ASTN2: variants seen among roughly 807,000 people sequenced by gnomAD.
The protein encoded by ASTN2 is astrotactin 2.
ASTN2 carries 54 observed loss-of-function variants against 139.8 expected under a neutral mutation model. The ratio of observed to expected loss-of-function variants is 0.39; its 90% CI spans 0.31 to 0.48. The LOEUF (loss-of-function observed/expected upper bound fraction) is 0.48, where lower values mean the gene tolerates loss of function less well. Among genes scored for constraint, ASTN2 ranks in the 20% least tolerant of loss-of-function variants. The pLI, the probability that ASTN2 is intolerant of heterozygous loss-of-function variation, is 0.95. For synonymous variants in ASTN2, 756 were observed against 719.5 expected (o/e 1.05, Z -0.81); for missense variants, 1,565 against 1,725.1 (o/e 0.91, Z 1.64).
intron 3 of ASTN2, among the ~76,000 whole-genome samples, chr9:117,149,956 T>C (rs1830290735): frequency 6.6e-6 from 1 of 152,150 alleles, no homozygotes. Flanking sequence ...ACAAGACAAA[T>C]GAACAAAAAG....
Position 116,699,522 on chromosome 9 carries a change from A to G in ASTN2, c.2806+26249T>C, listed in dbSNP as rs757524831. 16 of 1,614,204 alleles carry G rather than the reference A, an allele frequency of 9.9e-6. No homozygotes were observed. Among genetic ancestry groups the G allele is most frequent in the Middle Eastern group, 1.6e-4 (1 of 6,062 alleles). On this transcript the variant is annotated intron_variant, in intron 16 of 22. Transcript: ENST00000313400. The surrounding 1 kb of genome is among the most constrained non-coding windows in gnomAD (Gnocchi z 4.2). ...TCGTGGTGATCTCATCGTGGCTGACAGTAGTCGCAAGGAAATTCTCCATTT... is the reference window on the plus strand; with the variant it reads ...TCGTGGTGATCTCATCGTGGCTGACGGTAGTCGCAAGGAAATTCTCCATTT...
At chr9:117,333,348 G>A (rs1435970576) in intron 1 of ASTN2, among the ~76,000 whole-genome samples, 1 of 152,064 alleles carries the variant, frequency 6.6e-6, no homozygotes, top group Non-Finnish European at 1.5e-5. Flanking sequence ...GTGTTCTCTT[G>A]CAAAGGAAAA....
At chr9:117,154,860 A>G (rs1365525802) in intron 3 of ASTN2, among the ~76,000 whole-genome samples, 1 of 152,062 alleles carries the variant, frequency 6.6e-6, no homozygotes, top group East Asian at 1.9e-4. Context: ...GGATTTAAAT[A>G]AGAAAACTGT....
At chr9:116,703,111 C>G (rs546538927) in intron 16 of ASTN2, among the ~76,000 whole-genome samples, 3 of 151,444 alleles carry the variant, frequency 2.0e-5, no homozygotes, top group East Asian at 3.9e-4. Flanking sequence ...TAAAAGTGTT[C>G]CTATTTCTCC....
chr9:116,737,113 G>A (rs1165357457), intron 13 of ASTN2, among the ~76,000 whole-genome samples: 1 of 152,240 alleles, frequency 6.6e-6, no homozygotes, highest in African/African-American at 2.4e-5. Context: ...GGGAAGAAGG[G>A]TGGCAGGTAG....
intron 1 of ASTN2, among the ~76,000 whole-genome samples, chr9:117,380,456 T>A (rs891874015): frequency 2.0e-5 from 3 of 151,716 alleles, no homozygotes; most frequent in Non-Finnish European, 4.4e-5. Context: ...AATACAAAAA[T>A]TAGCTGGGGG....
At chr9:116,563,681 C>T (rs546762202) in intron 19 of ASTN2, among the ~76,000 whole-genome samples, 1 of 152,144 alleles carries the variant, frequency 6.6e-6, no homozygotes. Context: ...TTCTGCTTTT[C>T]TTTTTCTTCT....
chr9:116,462,826 G>A (rs868401523), intron 20 of ASTN2, among the ~76,000 whole-genome samples: 16 of 124,964 alleles, frequency 1.3e-4, no homozygotes, highest in African/African-American at 4.0e-4. Flanking sequence ...GTGTGTGTGT[G>A]TGTGTCTGCC....
chr9:116,709,133 G>A (rs1371354014), intron 16 of ASTN2, among the ~76,000 whole-genome samples: 1 of 152,162 alleles, frequency 6.6e-6, no homozygotes, highest in Non-Finnish European at 1.5e-5. Flanking sequence ...TATCCCTTGG[G>A]TCTTGAAATC....
At chr9:116,660,720 C>T (rs1564189268) in intron 16 of ASTN2, among the ~76,000 whole-genome samples, 1 of 152,154 alleles carries the variant, frequency 6.6e-6, no homozygotes, top group African/African-American at 2.4e-5. Context: ...CTTCTACCTA[C>T]AAGAAGACAG....
intron 5 of ASTN2, among the ~76,000 whole-genome samples, chr9:117,076,246 A>G (rs568983862): frequency 3.9e-5 from 6 of 152,342 alleles, no homozygotes; most frequent in East Asian, 1.9e-4. Context: ...ACTGATTTTT[A>G]AAGAACAAGA....
At chr9:116,983,130 C>T (rs1252561572) in intron 7 of ASTN2, among the ~76,000 whole-genome samples, 3 of 152,200 alleles carry the variant, frequency 2.0e-5, no homozygotes, top group Non-Finnish European at 2.9e-5. Flanking sequence ...TTCTTATTTG[C>T]TCTTCTTGTC....
chr9:116,864,764 G>C (rs1490870707), intron 10 of ASTN2, among the ~76,000 whole-genome samples: 1 of 152,082 alleles, frequency 6.6e-6, no homozygotes, highest in Non-Finnish European at 1.5e-5. Flanking sequence ...AACACTAGAG[G>C]GGGTGTCTCT....
At chr9:116,628,038 T>C (rs926933225) in intron 17 of ASTN2, among the ~76,000 whole-genome samples, 3 of 152,178 alleles carry the variant, frequency 2.0e-5, no homozygotes, top group African/African-American at 7.2e-5. Context: ...TGCTTTGAAA[T>C]ATAAAGCCTC....
chr9:116,843,548 A>G (rs1449791215), intron 11 of ASTN2, among the ~76,000 whole-genome samples: 2 of 151,814 alleles, frequency 1.3e-5, no homozygotes, highest in African/African-American at 4.8e-5. Flanking sequence ...AATCTCAGGT[A>G]CTCGGGAGGG....
intron 17 of ASTN2, among the ~76,000 whole-genome samples, chr9:116,644,717 C>T (rs1223830879): frequency 1.3e-5 from 2 of 152,110 alleles, no homozygotes; most frequent in Non-Finnish European, 2.9e-5. Context: ...GTATGGAGTG[C>T]AAGATATGTA....
At chr9:117,268,718 A>G (rs542324168) in intron 2 of ASTN2, among the ~76,000 whole-genome samples, 2 of 152,322 alleles carry the variant, frequency 1.3e-5, no homozygotes, top group East Asian at 3.9e-4. Flanking sequence ...GGTCAAAACA[A>G]AGCTCTGACA....
intron 4 of ASTN2, among the ~76,000 whole-genome samples, chr9:117,138,352 A>G (rs929755831): frequency 2.6e-5 from 4 of 152,170 alleles, no homozygotes; most frequent in Non-Finnish European, 4.4e-5. Context: ...GGGGAAAGAA[A>G]GAGGCATGGC....
intron 3 of ASTN2, among the ~76,000 whole-genome samples, chr9:117,204,827 T>C (rs1052269859): frequency 3.3e-5 from 5 of 152,230 alleles, no homozygotes; most frequent in African/African-American, 9.7e-5. Context: ...CAATGAGTTA[T>C]GCTGCAAAAG....
Sources: gnomAD v4.1 joint callset for allele counts (sites outside exome capture counted in the v4.1 genomes callset) on GRCh38, gnomAD v4.1.1 for gene constraint, Gnocchi (gnomAD v3.1) non-coding constraint, MANE v1.5 for transcripts, NCBI Gene and HGNC (gene_info 2026-07-23, HGNC 2026-07-21) for gene names.